The following NXPH1 variants were observed in gnomAD, a reference collection of about 807,000 sequenced individuals.
NXPH1 encodes neurexophilin 1, also known as neurexophilin-1.
NXPH1 carries 5 observed loss-of-function variants against 23.7 expected under a neutral mutation model. That is an observed-to-expected ratio of 0.21 (90% CI 0.11 to 0.44). The LOEUF is 0.44. Among genes scored for constraint, NXPH1 ranks in the 20% least tolerant of loss-of-function variants. The pLI is 0.99. For missense variants in NXPH1, 324 were observed against 321.6 expected (o/e 1.01, Z -0.06); for synonymous variants, 144 against 122.2 (o/e 1.18, Z -1.18).
rs538460853 is a variant in NXPH1 at position 8,659,030 on chromosome 7, GA to G, written c.55-91973del. Among the ~76,000 whole-genome samples, 12 of 20,774 alleles carry G rather than the reference GA, an allele frequency of 5.8e-4. 3 individuals carry two copies. In the South Asian group the frequency reaches 0.028, roughly 48 times the overall value. The allele number at this position is 20,774 out of a possible 152,430, so 13.6% of individuals were successfully genotyped here. ...ATTTTTTTTTTTTTTTGCTAAAACA[GA>G]AAAAGTATAAGGTGAATGCCCCAGC... On this transcript the variant is annotated intron_variant, in intron 2 of 2. Transcript: ENST00000405863.
At chr7:8,707,583 A>T (rs1289176708) in intron 2 of NXPH1, among the ~76,000 whole-genome samples, 1 of 152,056 alleles carries the variant, frequency 6.6e-6, no homozygotes, top group Non-Finnish European at 1.5e-5. Flanking sequence ...ATTGAATGGC[A>T]ATGAGTATAT....
intron 2 of NXPH1, among the ~76,000 whole-genome samples, chr7:8,631,478 A>T (rs1043745322): frequency 6.6e-6 from 1 of 152,202 alleles, no homozygotes; most frequent in African/African-American, 2.4e-5. Flanking sequence ...TCAGCAGAGT[A>T]AACAGATAAC....
intron 2 of NXPH1, among the ~76,000 whole-genome samples, chr7:8,504,935 T>C (rs1039902722): frequency 3.9e-5 from 6 of 152,146 alleles, no homozygotes; most frequent in Admixed American, 3.9e-4. Flanking sequence ...ATATTTGTTG[T>C]TTGAACCACC....
intron 2 of NXPH1, among the ~76,000 whole-genome samples, chr7:8,499,967 C>T (rs1817404163): frequency 6.6e-6 from 1 of 152,056 alleles, no homozygotes; most frequent in African/African-American, 2.4e-5. Flanking sequence ...TCTTCATATC[C>T]TTTATGGTTT....
At chr7:8,573,780 G>A (rs1385779623) in intron 2 of NXPH1, among the ~76,000 whole-genome samples, 1 of 152,036 alleles carries the variant, frequency 6.6e-6, no homozygotes, top group Non-Finnish European at 1.5e-5. Flanking sequence ...TAATATTTAA[G>A]GTCATCAGCT....
chr7:8,617,393 T>C (rs905323329), intron 2 of NXPH1, among the ~76,000 whole-genome samples: 1 of 152,112 alleles, frequency 6.6e-6, no homozygotes, highest in Non-Finnish European at 1.5e-5. Context: ...AGCTAAGATT[T>C]GGATGCAACC....
chr7:8,568,486 A>G lies in NXPH1; in HGVS notation c.54+132719A>G, dbSNP rs78791065. Among the ~76,000 whole-genome samples, 683 of 151,906 alleles carry G rather than the reference A, an allele frequency of 4.5e-3. 8 individuals are homozygous for G. The highest frequency in any genetic ancestry group is 0.015 in the African/African-American group (642 of 41,506). ...TTTGTATGTAAACTATGTTAATGCA[A>G]TGAGGAGACCATTTTTTGTTTCTTT... On this transcript the variant is annotated intron_variant, in intron 2 of 2. Transcript: ENST00000405863.
chr7:8,708,575 T>C (rs1238791749), intron 2 of NXPH1, among the ~76,000 whole-genome samples: 2 of 151,832 alleles, frequency 1.3e-5, no homozygotes, highest in Admixed American at 1.3e-4. Flanking sequence ...TTGGTCAGGC[T>C]GGTCTGTAAC....
chr7:8,728,958 C>T lies in NXPH1; in HGVS notation c.55-22050C>T, dbSNP rs879439373. On this transcript the variant is annotated intron_variant, in intron 2 of 2. Coordinates refer to ENST00000405863, the MANE Select transcript of NXPH1 (RefSeq NM_152745.3). ...CCTCTGGTAGAATTCGGCTGTGAAT[C>T]CATCTGGTCCTGGACTCTTTTTGGT... Among the ~76,000 whole-genome samples, 310 of 138,078 alleles carry T rather than the reference C, an allele frequency of 2.2e-3. 2 individuals are homozygous for T. The highest frequency in any genetic ancestry group is 0.011 in the Middle Eastern group (3 of 284). 90.6% of individuals were successfully genotyped at this position (138,078 alleles called of 152,430 possible).
At chr7:8,749,012 C>T (rs930614635) in intron 2 of NXPH1, among the ~76,000 whole-genome samples, 5 of 152,132 alleles carry the variant, frequency 3.3e-5, no homozygotes, top group Non-Finnish European at 7.4e-5. Context: ...GTTGAGATGA[C>T]GAAGGTTCTC....
chr7:8,471,536 C>T (rs1397449826), intron 2 of NXPH1, among the ~76,000 whole-genome samples: 1 of 152,122 alleles, frequency 6.6e-6, no homozygotes, highest in African/African-American at 2.4e-5. Flanking sequence ...CAACAGCAGA[C>T]AACCTCCCTT....
chr7:8,653,667 C>A (rs1820524972), intron 2 of NXPH1, among the ~76,000 whole-genome samples: 1 of 152,148 alleles, frequency 6.6e-6, no homozygotes, highest in African/African-American at 2.4e-5. Context: ...AATTTCTGTC[C>A]TCTAAATCCT....
chr7:8,519,846 A>G (rs2057748), intron 2 of NXPH1, among the ~76,000 whole-genome samples: 39,465 of 152,068 alleles, frequency 0.26, 5,215 homozygotes, highest in East Asian at 0.31. Flanking sequence ...ACATGTATAC[A>G]TACAAATACA....
intron 2 of NXPH1, among the ~76,000 whole-genome samples, chr7:8,443,137 C>G (rs1288833748): frequency 6.6e-6 from 1 of 152,220 alleles, no homozygotes; most frequent in African/African-American, 2.4e-5. Flanking sequence ...GACCCGCCTA[C>G]CCCTTCCAGC....
At chr7:8,670,112 T>C (rs1820844594) in intron 2 of NXPH1, among the ~76,000 whole-genome samples, 1 of 152,198 alleles carries the variant, frequency 6.6e-6, no homozygotes, top group Non-Finnish European at 1.5e-5. Context: ...CAATGTCATT[T>C]TCTGGGCCTT....
At chr7:8,598,531 G>T (rs1372471173) in intron 2 of NXPH1, among the ~76,000 whole-genome samples, 1 of 152,066 alleles carries the variant, frequency 6.6e-6, no homozygotes, top group Non-Finnish European at 1.5e-5. Flanking sequence ...CCCTTGCTTG[G>T]TTATTCCTAA....
chr7:8,587,205 C>T (rs1335454521), intron 2 of NXPH1, among the ~76,000 whole-genome samples: 1 of 152,060 alleles, frequency 6.6e-6, no homozygotes. Flanking sequence ...AGTGGCTGTG[C>T]AATCCTTTAT....
At chr7:8,642,635 T>A (rs1820335717) in intron 2 of NXPH1, among the ~76,000 whole-genome samples, 1 of 152,212 alleles carries the variant, frequency 6.6e-6, no homozygotes, top group African/African-American at 2.4e-5. Context: ...TTTTGTTGAT[T>A]TTCTTGGATA....
Position 8,435,844 on chromosome 7 carries a change from A to C in NXPH1, c.54+77A>C. 1 of 1,364,616 alleles carries C rather than the reference A, an allele frequency of 7.3e-7. No individual in the cohort carries two copies. The highest frequency in any genetic ancestry group is 1.0e-6 in the Non-Finnish European group (1 of 953,724). The allele number at this position is 1,364,616 out of a possible 1,614,324, so 84.5% of individuals were successfully genotyped here. A position where few individuals can be genotyped will look rare whatever the true frequency, so the allele number is the denominator to read the frequency against. On this transcript the variant is annotated intron_variant, in intron 2 of 2. Coordinates refer to ENST00000405863, the MANE Select transcript of NXPH1 (RefSeq NM_152745.3). The surrounding 1 kb of genome is among the most constrained non-coding windows in gnomAD (Gnocchi z 5.9). ...AAGGAAACTGGGGACACGCGGGAGAAGGGTTACGCCGCCAGTTCAGTGAGA... is the reference window on the plus strand; with the variant it reads ...AAGGAAACTGGGGACACGCGGGAGACGGGTTACGCCGCCAGTTCAGTGAGA...
Sources: allele counts gnomAD v4.1 joint callset (sites outside exome capture counted in the v4.1 genomes callset), GRCh38; gene constraint gnomAD v4.1.1; non-coding constraint Gnocchi (gnomAD v3.1); transcripts MANE v1.5; gene names NCBI Gene and HGNC (gene_info 2026-07-23, HGNC 2026-07-21).